ZSCAN32: variants seen among roughly 807,000 people sequenced by gnomAD.
ZSCAN32 encodes zinc finger and SCAN domain-containing protein 32.
A neutral mutation model predicts 47.4 loss-of-function variants in ZSCAN32; 52 were observed. That is an observed-to-expected ratio of 1.10 (90% CI 0.88 to 1.38). ZSCAN32 has a LOEUF of 1.38. ZSCAN32 is among the 40% of genes most tolerant of loss of function. The pLI is 0.00. For synonymous variants in ZSCAN32, 346 were observed against 305.7 expected (o/e 1.13, Z -1.38); for missense variants, 959 against 846.0 (o/e 1.13, Z -1.66).
In ZSCAN32 at chr16:3,384,543, C is replaced by T; in HGVS notation, c.1150G>A (p.Ala384Thr). 3.1e-6 allele frequency: 5 copies of T among 1,614,178 alleles called. No individual in the cohort carries two copies. The highest frequency in any genetic ancestry group is 4.2e-6 in the Non-Finnish European group (5 of 1,180,030). The change falls in exon 6 of 7, where the codon GCA becomes ACA. Residue 384 changes from alanine (A) to threonine (T), a missense_variant. Ala to Thr is a moderately conservative substitution (Grantham distance 58, BLOSUM62 0). Coordinates refer to ENST00000396852, the MANE Select transcript of ZSCAN32 (RefSeq NM_001284527.2). Reference sequence around the variant, plus strand: ...CTGAAGTCCTTTTCATCCCTGTCTGCACCATCCACAGTGCCATCTTCTACC... The same window carrying T: ...CTGAAGTCCTTTTCATCCCTGTCTGTACCATCCACAGTGCCATCTTCTACC... The part of the protein sequence containing the change: ...TEVEDGTVDG[A>T]DRDEKDFRNP...
At chr16:3,390,565 C>G (rs983764475) in intron 3 of ZSCAN32, 48 bp from the exon 4 acceptor site, 1 of 1,461,134 alleles carries the variant, frequency 6.8e-7, no homozygotes, top group Non-Finnish European at 9.3e-7. Flanking sequence ...CACACAACAG[C>G]ACAGAGCAGA....
At chr16:3,390,932 C>A (rs193152098) in intron 3 of ZSCAN32, among the ~76,000 whole-genome samples, 6 of 152,186 alleles carry the variant, frequency 3.9e-5, no homozygotes, top group African/African-American at 1.2e-4. Context: ...CCAAAGATAA[C>A]CAGAGTACTC....
chr16:3,397,119 G>A, intron 2 of ZSCAN32, 73 bp downstream of exon 2: 3 of 1,459,798 alleles, frequency 2.1e-6, no homozygotes, highest in Non-Finnish European at 2.7e-6. Context: ...TCTCAACCAA[G>A]CACCTCTCCA....
chr16:3,395,986 A>AGAC (rs1272123505), intron 2 of ZSCAN32, among the ~76,000 whole-genome samples: 1 of 152,216 alleles, frequency 6.6e-6, no homozygotes, highest in Non-Finnish European at 1.5e-5. Flanking sequence ...TGACAGACCA[A>AGAC]GACCCTTTCA....
intron 3 of ZSCAN32, among the ~76,000 whole-genome samples, chr16:3,393,232 T>TATATATATTTATATATATATAAA (rs376433040): frequency 3.5e-4 from 3 of 8,592 alleles, no homozygotes; most frequent in Non-Finnish European, 3.9e-4. Flanking sequence ...ATATATAAAT[T>TATATATATTTATATATATATAAA]TATATATTTT....
intron 5 of ZSCAN32, among the ~76,000 whole-genome samples, chr16:3,389,098 C>T (rs767111077): frequency 6.6e-6 from 1 of 152,174 alleles, no homozygotes; most frequent in African/African-American, 2.4e-5. Context: ...AATCTCAATA[C>T]AGAGCTCAAA....
intron 5 of ZSCAN32, among the ~76,000 whole-genome samples, chr16:3,387,599 C>T (rs1262541826): frequency 2.0e-5 from 3 of 152,316 alleles, no homozygotes; most frequent in African/African-American, 4.8e-5. Context: ...TGCTCTGAAG[C>T]GCACCAGCCT....
intron 5 of ZSCAN32, among the ~76,000 whole-genome samples, chr16:3,386,151 A>G (rs999091750): frequency 1.1e-4 from 16 of 152,236 alleles, no homozygotes; most frequent in African/African-American, 3.9e-4. Context: ...GACACTTCTC[A>G]AAAGAAGACA....
At chr16:3,388,771 C>T (rs529008913) in intron 5 of ZSCAN32, among the ~76,000 whole-genome samples, 1 of 152,214 alleles carries the variant, frequency 6.6e-6, no homozygotes, top group East Asian at 1.9e-4. Context: ...TTACAGGTAC[C>T]ATTACATGAA....
At chr16:3,398,431 G>A (rs544116950) in intron 1 of ZSCAN32, among the ~76,000 whole-genome samples, 1 of 152,296 alleles carries the variant, frequency 6.6e-6, no homozygotes, top group African/African-American at 2.4e-5. Flanking sequence ...CCTAGCCTCT[G>A]AATTTCCGGG....
In ZSCAN32 at chr16:3,382,894, C is replaced by A; in HGVS notation, c.2052G>T (p.Met684Ile). ...SALTRHQTVH[M>I]KAVLSSQEGR... Reference sequence around the variant, plus strand: ...CTTCCTGTGATGAGAGTACTGCTTTCATGTGTACTGTCTGATGACGGGTGA... The same window carrying A: ...CTTCCTGTGATGAGAGTACTGCTTTAATGTGTACTGTCTGATGACGGGTGA... Residue 684 changes from methionine (M) to isoleucine (I), a missense_variant, in exon 7 of 7, where the codon ATG (methionine) becomes ATT (isoleucine). Transcript: ENST00000396852. 1 of 1,599,652 alleles carries A rather than the reference C, an allele frequency of 6.3e-7. No individual in the cohort carries two copies. Among genetic ancestry groups the A allele is most frequent in the East Asian group, 2.2e-5 (1 of 44,656 alleles).
rs761673694 is a variant in ZSCAN32 at position 3,390,071 on chromosome 16, G to A, written c.690C>T (p.Gly230=). Residue 230 remains glycine, a synonymous_variant, in exon 5 of 7, where the codon GGC becomes GGT. Coordinates refer to ENST00000396852, the MANE Select transcript of ZSCAN32 (RefSeq NM_001284527.2). ...SLCQQEWMCP[G]PAQRALYRGA... ...CCCTGTAGAGGGCCCTTTGTGCAGG[G>A]CCTGGGCACATCCATTCTTGCTGAC... 10 of 1,613,938 alleles carry A rather than the reference G, an allele frequency of 6.2e-6. No homozygotes were observed. Among genetic ancestry groups the A allele is most frequent in the Non-Finnish European group, 5.1e-6 (6 of 1,179,994 alleles).
intron 1 of ZSCAN32, among the ~76,000 whole-genome samples, chr16:3,398,533 C>A (rs2033590737): frequency 6.6e-6 from 1 of 152,192 alleles, no homozygotes; most frequent in Non-Finnish European, 1.5e-5. Context: ...CCTGTCTTGA[C>A]AAACTGGCTT....
At chr16:3,398,556 G>A (rs2033592707) in intron 1 of ZSCAN32, among the ~76,000 whole-genome samples, 1 of 152,146 alleles carries the variant, frequency 6.6e-6, no homozygotes, top group Non-Finnish European at 1.5e-5. Flanking sequence ...TCTAGGCAGT[G>A]GGCAAGATGA....
At chr16:3,393,509 G>A in intron 3 of ZSCAN32, 140 bp downstream of exon 3, 1 of 797,048 alleles carries the variant, frequency 1.3e-6, no homozygotes, top group Non-Finnish European at 1.8e-6. Context: ...ACAGGCGTGA[G>A]CCAACACGCC....
In ZSCAN32 at chr16:3,383,566, T is replaced by C. The variant is rs376728055; in HGVS notation, c.1380A>G (p.Thr460=). ...ELQKGLESEP[T]SRRQCRNSPG... Reference sequence around the variant, plus strand: ...GAGAATTTCTACATTGCCTTCTTGATGTTGGCTCACTCTCCAAGCCTTTTT... The same window carrying C: ...GAGAATTTCTACATTGCCTTCTTGACGTTGGCTCACTCTCCAAGCCTTTTT... The change falls in exon 7 of 7, where the codon ACA becomes ACG. Residue 460 remains threonine, a synonymous_variant. Transcript: ENST00000396852. The C allele has an allele frequency of 6.2e-7, 1 of 1,614,166 alleles. No individual in the cohort carries two copies. Among genetic ancestry groups the C allele is most frequent in the East Asian group, 2.2e-5 (1 of 44,876 alleles).
At chr16:3,395,245 C>T (rs1596229740) in intron 2 of ZSCAN32, among the ~76,000 whole-genome samples, 2 of 152,264 alleles carry the variant, frequency 1.3e-5, no homozygotes, top group African/African-American at 4.8e-5. Context: ...TTATATCAAC[C>T]TCTATTACTA....
At position 3,390,527 on chromosome 16, in the gene ZSCAN32, A is replaced by G. The variant is rs756236062; in HGVS notation, c.533-10T>C. ...TGAGGAGCAAGCCAGGCTGGGGGAA[A>G]AAACAGCCGCTATTAGAGGGCGGCT... On this transcript the variant is annotated splice_polypyrimidine_tract_variant and intron_variant, in intron 3 of 6. Coordinates refer to ENST00000396852, the MANE Select transcript of ZSCAN32 (RefSeq NM_001284527.2). 2.1e-5 allele frequency: 33 copies of G among 1,547,692 alleles called. No individual in the cohort carries two copies. Among genetic ancestry groups the G allele is most frequent in the Non-Finnish European group, 2.4e-5 (28 of 1,146,252 alleles).
At chr16:3,390,343 T>A in intron 4 of ZSCAN32, 80 bp downstream of exon 4, 2 of 1,413,826 alleles carry the variant, frequency 1.4e-6, no homozygotes, top group Non-Finnish European at 1.9e-6. Context: ...CACAGAATCT[T>A]TCTCATGTCT....
Sources: allele counts gnomAD v4.1 joint callset (sites outside exome capture counted in the v4.1 genomes callset), GRCh38; gene constraint gnomAD v4.1.1; transcripts MANE v1.5; gene names NCBI Gene and HGNC (gene_info 2026-07-23, HGNC 2026-07-21).